CHAF1A: variants seen among roughly 807,000 people sequenced by gnomAD.
CHAF1A encodes chromatin assembly factor 1 subunit A, also known as CAF-1 subunit A.
In CHAF1A, 5 loss-of-function variants were observed where a neutral mutation model predicts 93.2. The ratio of observed to expected loss-of-function variants is 0.05; its 90% CI spans 0.03 to 0.11. The LOEUF (loss-of-function observed/expected upper bound fraction) is 0.11. CHAF1A is among the 10% of genes least tolerant of loss of function. The probability of loss-of-function intolerance (pLI) is 1.00; values close to 1 mark genes in which losing one functional copy is unlikely to be tolerated. For missense variants in CHAF1A, 1,102 were observed against 1,259.9 expected (o/e 0.87, Z 1.90); for synonymous variants, 504 against 510.3 (o/e 0.99, Z 0.17).
At position 4,433,457 on chromosome 19, in the gene CHAF1A, G is replaced by A. The variant is rs778965189; in HGVS notation, c.2591G>A (p.Gly864Asp). The change falls in exon 13 of 15, where the codon GGC becomes GAC. Residue 864 changes from glycine to aspartate, a missense_variant. This residue lies in a region of CHAF1A where 76 missense variants were observed against 129.8 expected (regional missense o/e 0.59). Transcript: ENST00000301280. The surrounding 1 kb of genome is among the most constrained non-coding windows in gnomAD (Gnocchi z 5.6). Reference sequence around the variant, plus strand: ...GTCCCCTCCACGGGGCCCAGCCAGGGCACTCCCATCTCGCTGAAGAGGAAG... The same window carrying A: ...GTCCCCTCCACGGGGCCCAGCCAGGACACTCCCATCTCGCTGAAGAGGAAG... ...GSVPSTGPSQ[G>D]TPISLKRKSA... The A allele has an allele frequency of 1.2e-6, 2 of 1,604,430 alleles. No individual in the cohort carries two copies. The highest frequency in any genetic ancestry group is 1.7e-5 in the Admixed American group (1 of 59,878).
At chr19:4,446,310 G>A (rs867859181), downstream of CHAF1A, 18 of 1,570,848 alleles carry the variant, frequency 1.1e-5, no homozygotes, top group African/African-American at 4.0e-5. Context: ...TCGGGGAGGC[G>A]CACGCGCAGC....
chr19:4,446,971 TG>T (rs1974545885), downstream of CHAF1A: 3 of 1,569,554 alleles, frequency 1.9e-6, no homozygotes, highest in East Asian at 6.9e-5. Flanking sequence ...CTCCATGGCC[TG>T]GCCACACCCC....
chr19:4,432,443 G>A (rs1168557240), intron 12 of CHAF1A, among the ~76,000 whole-genome samples: 2 of 152,172 alleles, frequency 1.3e-5, no homozygotes. Context: ...AGAGAGTGCT[G>A]GAGTGGGGGC....
At chr19:4,435,936 C>T (rs1974275333) in intron 13 of CHAF1A, among the ~76,000 whole-genome samples, 1 of 152,120 alleles carries the variant, frequency 6.6e-6, no homozygotes, top group Admixed American at 6.5e-5. Context: ...GTCAGGAGTT[C>T]GAGACCATCC....
chr19:4,437,152 G>T (rs779397516), intron 13 of CHAF1A, among the ~76,000 whole-genome samples: 3 of 151,398 alleles, frequency 2.0e-5, no homozygotes, highest in African/African-American at 7.4e-5. Context: ...AAGGTCACAC[G>T]TGAAGGAATG....
chr19:4,448,197 A>G, downstream of CHAF1A: 6 of 897,312 alleles, frequency 6.7e-6, no homozygotes. Flanking sequence ...CTCTCGGCCT[A>G]TGCTCCTTCC....
At chr19:4,446,383 C>T, downstream of CHAF1A, 1 of 1,576,656 alleles carries the variant, frequency 6.3e-7, no homozygotes. Context: ...CCTTGGTCCG[C>T]AGCACGCTCA....
At chr19:4,403,024 T>G (rs979820102) in intron 1 of CHAF1A, among the ~76,000 whole-genome samples, 4 of 152,202 alleles carry the variant, frequency 2.6e-5, no homozygotes, top group African/African-American at 7.2e-5. Flanking sequence ...GCGACCATAT[T>G]GTTTGTTTCC....
chr19:4,417,240 G>C (rs542664242), intron 3 of CHAF1A, among the ~76,000 whole-genome samples: 1 of 151,926 alleles, frequency 6.6e-6, no homozygotes, highest in Non-Finnish European at 1.5e-5. Context: ...CAAAGTGCTG[G>C]GATTACAGGC....
chr19:4,406,011 C>T (rs368264342), intron 2 of CHAF1A, 49 bp downstream of exon 2: 4 of 1,481,260 alleles, frequency 2.7e-6, no homozygotes, highest in Non-Finnish European at 3.8e-6. Flanking sequence ...TTATAGTCTT[C>T]CTTGTCTCTT....
At chr19:4,420,057 T>G (rs1973963724) in intron 4 of CHAF1A, among the ~76,000 whole-genome samples, 1 of 152,176 alleles carries the variant, frequency 6.6e-6, no homozygotes, top group African/African-American at 2.4e-5. Context: ...TCTCTGTGGC[T>G]TTTGTTAAAG....
chr19:4,416,109 G>A (rs998896779), intron 3 of CHAF1A, among the ~76,000 whole-genome samples: 2 of 152,108 alleles, frequency 1.3e-5, no homozygotes, highest in South Asian at 2.1e-4. Context: ...GGGAGGCGGA[G>A]CTTGCAGTGA....
intron 7 of CHAF1A, among the ~76,000 whole-genome samples, chr19:4,425,902 TTAA>T (rs1186304834): frequency 1.3e-5 from 2 of 152,346 alleles, no homozygotes; most frequent in East Asian, 3.9e-4. Context: ...TAATTTTCTT[TTAA>T]CTTTGCCAGT....
At chr19:4,446,938 C>T (rs373328636), downstream of CHAF1A, 362 of 1,612,510 alleles carry the variant, frequency 2.2e-4, no homozygotes, top group Non-Finnish European at 2.7e-4. Context: ...TGGAGATGGG[C>T]GTCACTGGGG....
At chr19:4,443,563 G>T (rs1437328571), downstream of CHAF1A, among the ~76,000 whole-genome samples, 2 of 152,192 alleles carry the variant, frequency 1.3e-5, no homozygotes, top group Admixed American at 1.3e-4. Context: ...GCTGACCTGG[G>T]TCAAGGTGCG....
chr19:4,406,654 C>G (rs909133929), intron 2 of CHAF1A, among the ~76,000 whole-genome samples: 3 of 152,078 alleles, frequency 2.0e-5, no homozygotes, highest in Admixed American at 2.0e-4. Flanking sequence ...GGGATGGTCT[C>G]GATCTCCTGA....
chr19:4,430,512 T>G (rs781655017), intron 10 of CHAF1A, 37 bp from the exon 11 acceptor site: 5 of 1,433,876 alleles, frequency 3.5e-6, no homozygotes, highest in Non-Finnish European at 3.9e-6. Flanking sequence ...ACTCTGCTTT[T>G]CTATCTGATG....
intron 1 of CHAF1A, among the ~76,000 whole-genome samples, chr19:4,405,435 C>T (rs1973662464): frequency 6.6e-6 from 1 of 151,942 alleles, no homozygotes; most frequent in Admixed American, 6.6e-5. Flanking sequence ...TGGTGAAACC[C>T]CGTCTCTGCT....
In CHAF1A at chr19:4,422,857, A is replaced by T. The variant is rs1974015047; in HGVS notation, c.1247+62A>T. On this transcript the variant is annotated intron_variant, in intron 5 of 14. Coordinates refer to ENST00000301280, the MANE Select transcript of CHAF1A (RefSeq NM_005483.3). This position sits in a 1 kb window ranked among gnomAD's most constrained non-coding sequence, Gnocchi z 4.6. ...CTGCTGCTGGATTCCGCTCCTGGCC[A>T]CTCTGATGGGGCCTTTCCACTTCAC... The T allele has an allele frequency of 6.8e-7, 1 of 1,475,756 alleles. No individual in the cohort carries two copies. Among genetic ancestry groups the T allele is most frequent in the Admixed American group, 1.8e-5 (1 of 56,768 alleles). The allele number at this position is 1,475,756 out of a possible 1,614,324, so 91.4% of individuals were successfully genotyped here. A position where few individuals can be genotyped will look rare whatever the true frequency, so the allele number is the denominator to read the frequency against.
Sources: gnomAD v4.1 joint callset for allele counts (sites outside exome capture counted in the v4.1 genomes callset) on GRCh38, gnomAD v4.1.1 for gene constraint, gnomAD v4.1.1 regional missense constraint, Gnocchi (gnomAD v3.1) non-coding constraint, MANE v1.5 for transcripts, NCBI Gene and HGNC (gene_info 2026-07-23, HGNC 2026-07-21) for gene names.